The following CALD1 variants were observed in gnomAD, a reference collection of about 807,000 sequenced individuals.
CALD1 encodes the protein caldesmon 1, also known as caldesmon.
Under a neutral mutation model 99.9 loss-of-function variants are expected in CALD1, and 33 were observed. The observed-to-expected ratio is 0.33, with a 90% confidence interval of 0.25 to 0.44. The LOEUF (loss-of-function observed/expected upper bound fraction) is 0.44. Ranked by LOEUF, CALD1 falls within the 20% of genes least tolerant of loss-of-function variation. The pLI is 1.00. For synonymous variants in CALD1, 310 were observed against 325.0 expected (o/e 0.95, Z 0.50); for missense variants, 861 against 962.1 (o/e 0.89, Z 1.39).
intron 3 of CALD1, among the ~76,000 whole-genome samples, chr7:134,900,940 A>G (rs138257383): frequency 6.8e-4 from 103 of 152,176 alleles, no homozygotes; most frequent in Non-Finnish European, 1.3e-3. Context: ...GCATTTATTA[A>G]AACATCCTTC....
Position 134,933,361 on chromosome 7 carries a change from C to T in CALD1, c.592C>T (p.Pro198Ser). ...AAAGGAGGAGGAGGAAGAGGAGAAGCCAAAGCGAGGGAGCATTGGAGAAAA... is the reference window on the plus strand; with the variant it reads ...AAAGGAGGAGGAGGAAGAGGAGAAGTCAAAGCGAGGGAGCATTGGAGAAAA... ...KEKEEEEEEKPKRGSIGENQV... is the reference protein window; with the variant it reads ...KEKEEEEEEKSKRGSIGENQV... The change falls in exon 5 of 15, where the codon CCA becomes TCA. Residue 198 changes from proline (P) to serine (S), a missense_variant. Physicochemically the swap from Pro to Ser is moderately conservative, Grantham distance 74. Coordinates refer to ENST00000361675, the MANE Select transcript of CALD1 (RefSeq NM_033138.4). 1 of 1,605,868 alleles carries T rather than the reference C, an allele frequency of 6.2e-7. No individual in the cohort carries two copies. The highest frequency in any genetic ancestry group is 8.5e-7 in the Non-Finnish European group (1 of 1,176,114).
intron 11 of CALD1, among the ~76,000 whole-genome samples, chr7:134,958,889 A>ATATATATTTAAC (rs1554479126): frequency 0.026 from 3,586 of 140,054 alleles, 177 homozygotes; most frequent in African/African-American, 0.09. Flanking sequence ...ATATATATAT[A>ATATATATTTAAC]TATATATATA....
At chr7:134,951,190 T>C (rs73728014) in intron 9 of CALD1, among the ~76,000 whole-genome samples, 5,146 of 152,266 alleles carry the variant, frequency 0.034, 274 homozygotes, top group African/African-American at 0.12. Context: ...AGGTCTCACC[T>C]CTTAATACCA....
At chr7:134,871,562 C>T (rs62479519) in intron 3 of CALD1, among the ~76,000 whole-genome samples, 13,021 of 152,202 alleles carry the variant, frequency 0.086, 684 homozygotes, top group South Asian at 0.25. Flanking sequence ...AGAAATTATA[C>T]TTTTGTATCC....
chr7:134,959,136 A>G (rs1180591583), intron 11 of CALD1, among the ~76,000 whole-genome samples: 9 of 151,244 alleles, frequency 6.0e-5, no homozygotes, highest in Non-Finnish European at 1.3e-4. Context: ...ATATAAGCCC[A>G]CTGCAGCTGA....
chr7:134,949,456 C>A (rs1316573958), intron 8 of CALD1, among the ~76,000 whole-genome samples: 1 of 152,146 alleles, frequency 6.6e-6, no homozygotes, highest in Non-Finnish European at 1.5e-5. Context: ...GGAATGAAGA[C>A]ACAGAGGGGT....
chr7:134,748,708 T>TTCCCC (rs1562988094), intron 1 of CALD1, among the ~76,000 whole-genome samples: 5 of 132,236 alleles, frequency 3.8e-5, no homozygotes, highest in Admixed American at 7.6e-5. Flanking sequence ...TGAAACTCCA[T>TTCCCC]CCCCCCGCCC....
At chr7:134,880,624 T>C (rs1026881001) in intron 3 of CALD1, among the ~76,000 whole-genome samples, 7 of 104,012 alleles carry the variant, frequency 6.7e-5, no homozygotes, top group Non-Finnish European at 1.1e-4. Flanking sequence ...GATCTTGATC[T>C]TTTTTTAGTG....
chr7:134,722,430 T>C, the CALD1 span, among the ~76,000 whole-genome samples: 707 of 152,250 alleles, frequency 4.6e-3, 7 homozygotes, highest in African/African-American at 0.016. Flanking sequence ...TGTTTGTTTG[T>C]TTGTTTCTGA....
At chr7:134,876,551 G>A (rs1242747845) in intron 3 of CALD1, among the ~76,000 whole-genome samples, 2 of 152,208 alleles carry the variant, frequency 1.3e-5, no homozygotes, top group African/African-American at 4.8e-5. Flanking sequence ...AAAGAAAGAT[G>A]AGTGGATAGG....
chr7:134,891,769 T>TGTGGGA, intron 3 of CALD1: 1 of 699,132 alleles, frequency 1.4e-6, no homozygotes. Flanking sequence ...AAAAAAAAAA[T>TGTGGGA]GTGGGAGTGG....
intron 3 of CALD1, among the ~76,000 whole-genome samples, chr7:134,891,896 C>G (rs963899821): frequency 6.6e-6 from 1 of 152,008 alleles, no homozygotes; most frequent in Non-Finnish European, 1.5e-5. Context: ...TGGCTTTTCT[C>G]GTTTCCATTT....
intron 3 of CALD1, among the ~76,000 whole-genome samples, chr7:134,910,045 C>G (rs1416400898): frequency 2.6e-5 from 4 of 152,108 alleles, no homozygotes; most frequent in Non-Finnish European, 5.9e-5. Flanking sequence ...GTTAGGGCTA[C>G]TAATACCTGG....
At chr7:134,780,774 A>G (rs967802051) in intron 1 of CALD1, among the ~76,000 whole-genome samples, 4 of 152,238 alleles carry the variant, frequency 2.6e-5, no homozygotes, top group Admixed American at 2.6e-4. Flanking sequence ...TAACAGGACT[A>G]TGCAGATGGA....
At chr7:134,813,220 C>T (rs535819918) in intron 1 of CALD1, among the ~76,000 whole-genome samples, 2 of 152,194 alleles carry the variant, frequency 1.3e-5, no homozygotes, top group African/African-American at 2.4e-5. Context: ...GAAAAGAACT[C>T]GGAGCAGTGA....
chr7:134,873,401 G>C (rs1801197384), intron 3 of CALD1, among the ~76,000 whole-genome samples: 1 of 152,004 alleles, frequency 6.6e-6, no homozygotes, highest in Non-Finnish European at 1.5e-5. Flanking sequence ...CTCCTAATCT[G>C]TCTGCTCTGA....
the CALD1 span, among the ~76,000 whole-genome samples, chr7:134,721,108 C>T: frequency 3.3e-5 from 5 of 152,130 alleles, no homozygotes; most frequent in East Asian, 1.9e-4. Flanking sequence ...CGCTATAGGC[C>T]GCTGGAACAG....
chr7:134,817,574 C>A (rs1798609233), intron 1 of CALD1, among the ~76,000 whole-genome samples: 1 of 152,098 alleles, frequency 6.6e-6, no homozygotes, highest in Non-Finnish European at 1.5e-5. Flanking sequence ...TGAAGAACAC[C>A]TGATTGTTTG....
At position 134,808,972 on chromosome 7, in the gene CALD1, GT is replaced by G. The variant is rs539843647; in HGVS notation, c.-130+29225del. On this transcript the variant is annotated intron_variant, in intron 1 of 14. Coordinates refer to ENST00000361675, the MANE Select transcript of CALD1 (RefSeq NM_033138.4). ...CTCATTGCCAAGGGATAAAAAAGTA[GT>G]TGAATATTTTAGGATGAAAATAAAC... Among the ~76,000 whole-genome samples the G allele has an allele frequency of 7.9e-5, 12 of 152,316 alleles. No homozygotes were observed. In the East Asian group the frequency reaches 1.3e-3, roughly 17 times the overall value.
Sources: allele counts gnomAD v4.1 joint callset (sites outside exome capture counted in the v4.1 genomes callset), GRCh38; gene constraint gnomAD v4.1.1; transcripts MANE v1.5; gene names NCBI Gene and HGNC (gene_info 2026-07-23, HGNC 2026-07-21).